The following ZNF567 variants were observed in gnomAD, a reference collection of about 807,000 sequenced individuals.
ZNF567 encodes the protein zinc finger protein 567.
ZNF567 carries 36 observed loss-of-function variants against 53.9 expected under a neutral mutation model. The observed-to-expected ratio is 0.67, with a 90% CI of 0.51 to 0.88. The LOEUF is 0.88. Ranked by LOEUF, ZNF567 falls within the 40% of genes least tolerant of loss-of-function variation. The pLI is 0.00. For synonymous variants in ZNF567, 224 were observed against 260.4 expected (o/e 0.86, Z 1.35); for missense variants, 619 against 764.7 (o/e 0.81, Z 2.25).
intron 3 of ZNF567, among the ~76,000 whole-genome samples, chr19:36,699,159 C>T (rs929604409): frequency 6.6e-6 from 1 of 152,068 alleles, no homozygotes; most frequent in African/African-American, 2.4e-5. Context: ...GTTTTCCCAG[C>T]ACCATTTATT....
At chr19:36,700,819 C>A (rs1244743095) in intron 3 of ZNF567, among the ~76,000 whole-genome samples, 4 of 151,804 alleles carry the variant, frequency 2.6e-5, no homozygotes, top group Non-Finnish European at 5.9e-5. Flanking sequence ...CTCTTTTTTT[C>A]TTTATTAGTC....
At chr19:36,676,230 T>C in the ZNF567 span, among the ~76,000 whole-genome samples, 1 of 151,504 alleles carries the variant, frequency 6.6e-6, no homozygotes, top group African/African-American at 2.4e-5. Context: ...CATGCCTGGC[T>C]AATTTTTGTA....
At chr19:36,718,816 C>T (rs2040182672) in intron 5 of ZNF567, 132 bp from the exon 6 acceptor site, 4 of 638,130 alleles carry the variant, frequency 6.3e-6, no homozygotes, top group Non-Finnish European at 1.0e-5. Context: ...TTCCCCTCCC[C>T]GCACCCCTGC....
chr19:36,693,186 G>T (rs2038711295), intron 2 of ZNF567, among the ~76,000 whole-genome samples: 1 of 152,168 alleles, frequency 6.6e-6, no homozygotes, highest in African/African-American at 2.4e-5. Context: ...TACCCAGGAG[G>T]CTGAGATAGG....
At chr19:36,692,782 C>T (rs1373907447) in intron 2 of ZNF567, among the ~76,000 whole-genome samples, 3 of 152,078 alleles carry the variant, frequency 2.0e-5, no homozygotes, top group Admixed American at 2.0e-4. Flanking sequence ...TTTTTGCAAG[C>T]TTCTGTGGAT....
At position 36,719,748 on chromosome 19, in the gene ZNF567, T is replaced by C; in HGVS notation, c.1024T>C (p.Cys342Arg). Reference protein sequence around the residue: ...TGEKSYECLQCRNAFRLKSHL... With the variant: ...TGEKSYECLQRRNAFRLKSHL... ...GGAGAAATCGTATGAATGTCTGCAA[T>C]GTAGGAATGCCTTCAGATTGAAGTC... Residue 342 changes from cysteine (C) to arginine (R), a missense_variant, in exon 6 of 6, where the codon TGT becomes CGT. Cys to Arg is a radical substitution (Grantham distance 180). Transcript: ENST00000682579. 1 of 1,614,128 alleles carries C rather than the reference T, an allele frequency of 6.2e-7. No homozygotes were observed. The highest frequency in any genetic ancestry group is 8.5e-7 in the Non-Finnish European group (1 of 1,180,004).
the ZNF567 span, among the ~76,000 whole-genome samples, chr19:36,674,270 A>G: frequency 6.6e-6 from 1 of 152,224 alleles, no homozygotes; most frequent in Non-Finnish European, 1.5e-5. Flanking sequence ...TACTTGGAAG[A>G]AGCACAAATT....
chr19:36,689,236 A>AGTGTGTGTGTGT (rs59984347), intron 1 of ZNF567, among the ~76,000 whole-genome samples, 161 bp from the exon 2 acceptor site: 103 of 138,964 alleles, frequency 7.4e-4, no homozygotes, highest in African/African-American at 2.5e-3. Flanking sequence ...CCTATTTGAG[A>AGTGTGTGTGTGT]GTGTGTGTGT....
At chr19:36,706,666 T>C (rs2039503064) in intron 3 of ZNF567, among the ~76,000 whole-genome samples, 1 of 122,330 alleles carries the variant, frequency 8.2e-6, no homozygotes, top group Admixed American at 1.0e-4. Context: ...CTTTTTACTG[T>C]TGGTTTTTTT....
At chr19:36,689,274 TA>T (rs1555801281) in intron 1 of ZNF567, 122 bp from the exon 2 acceptor site, 1 of 130,018 alleles carries the variant, frequency 7.7e-6, no homozygotes, top group Non-Finnish European at 1.7e-5. Flanking sequence ...TGTGTGTGTG[TA>T]TTTATTTTTT....
At chr19:36,723,781 C>T (rs2040322523), downstream of ZNF567, among the ~76,000 whole-genome samples, 1 of 152,024 alleles carries the variant, frequency 6.6e-6, no homozygotes, top group African/African-American at 2.4e-5. Flanking sequence ...TTGCAGTGAG[C>T]CAAGATGATG....
intron 1 of ZNF567, among the ~76,000 whole-genome samples, chr19:36,688,802 G>A (rs1307725285): frequency 1.6e-4 from 18 of 109,230 alleles, no homozygotes; most frequent in African/African-American, 7.0e-4. Context: ...GCAAGACTCC[G>A]TCTCAAAAAA....
intron 5 of ZNF567, among the ~76,000 whole-genome samples, chr19:36,716,987 G>A (rs539981960): frequency 1.4e-4 from 22 of 151,960 alleles, no homozygotes; most frequent in Non-Finnish European, 8.8e-5. Context: ...CACCATGCCC[G>A]GCCAGCTTTT....
rs59984347 is a variant in ZNF567 at position 36,689,236 on chromosome 19, A to AGTGTGTGT, written c.-167-130_-167-123dup. On this transcript the variant is annotated intron_variant, in intron 1 of 5. Coordinates refer to ENST00000682579, the MANE Select transcript of ZNF567 (RefSeq NM_001322917.1). ...GCCACTCTCAAAATTCCTATTTGAG[A>AGTGTGTGT]GTGTGTGTGTGTGTGTGTGTGTGTG... 3.9e-3 allele frequency among the ~76,000 whole-genome samples: 545 copies of AGTGTGTGT among 138,958 alleles called. 2 individuals carry two copies. Among genetic ancestry groups the AGTGTGTGT allele is most frequent in the African/African-American group, 0.013 (497 of 36,866 alleles). The allele number at this position is 138,958 out of a possible 152,430, so 91.2% of individuals were successfully genotyped here. A position where few individuals can be genotyped will look rare whatever the true frequency, so the allele number is the denominator to read the frequency against.
chr19:36,725,266 G>A (rs1241385231), downstream of ZNF567, among the ~76,000 whole-genome samples: 1 of 150,518 alleles, frequency 6.6e-6, no homozygotes, highest in Non-Finnish European at 1.5e-5. Flanking sequence ...ACAGTGGTGT[G>A]ATCTCGGCTC....
downstream of ZNF567, among the ~76,000 whole-genome samples, chr19:36,724,813 ACTCCAGC>A (rs553649166): frequency 6.6e-6 from 1 of 151,772 alleles, no homozygotes; most frequent in African/African-American, 2.4e-5. Context: ...GTGCCACTGC[ACTCCAGC>A]CTGAGTGACA....
rs561279232 is a variant in ZNF567, at chr19:36,708,894, G to A, written c.10-3492G>A. Reference sequence around the variant, plus strand: ...TCCTCTGTTAGCTTTTTAGTTATGCGTTTGCATTTTTTGTGTGATTGCCCT... The same window carrying A: ...TCCTCTGTTAGCTTTTTAGTTATGCATTTGCATTTTTTGTGTGATTGCCCT... On this transcript the variant is annotated intron_variant, in intron 3 of 5. Transcript: ENST00000682579. Among the ~76,000 whole-genome samples, 125 of 152,068 alleles carry A rather than the reference G, an allele frequency of 8.2e-4. 1 individual carries two copies. Among genetic ancestry groups the A allele is most frequent in the African/African-American group, 2.1e-3 (86 of 41,480 alleles).
At chr19:36,715,015 C>T (rs1335560322) in intron 5 of ZNF567, among the ~76,000 whole-genome samples, 2 of 152,058 alleles carry the variant, frequency 1.3e-5, no homozygotes, top group Admixed American at 6.6e-5. Flanking sequence ...ATGGCACTGA[C>T]GTCAACATAC....
the ZNF567 span, among the ~76,000 whole-genome samples, chr19:36,672,297 T>G: frequency 1.3e-5 from 2 of 152,178 alleles, no homozygotes; most frequent in East Asian, 3.9e-4. Context: ...GGAACATTAT[T>G]TAAAAACTGG....
Sources: gnomAD v4.1 joint callset for allele counts (sites outside exome capture counted in the v4.1 genomes callset) on GRCh38, gnomAD v4.1.1 for gene constraint, MANE v1.5 for transcripts, NCBI Gene and HGNC (gene_info 2026-07-23, HGNC 2026-07-21) for gene names.